Variants in KIF19 observed in about 807,000 individuals in gnomAD.
KIF19 encodes kinesin-like protein KIF19.
KIF19 carries 98 observed loss-of-function variants against 106.6 expected under a neutral mutation model. The observed-to-expected ratio is 0.92, with a 90% CI of 0.78 to 1.09. The LOEUF is 1.09. Among genes scored for constraint, KIF19 ranks in the 50% least tolerant of loss-of-function variants. The pLI is 0.00. For synonymous variants in KIF19, 516 were observed against 584.2 expected (o/e 0.88, Z 1.68); for missense variants, 1,373 against 1,414.3 (o/e 0.97, Z 0.47).
rs371387137 is a variant in KIF19 at position 74,345,742 on chromosome 17, G to A, written c.778-636G>A. 2.0e-5 allele frequency among the ~76,000 whole-genome samples: 3 copies of A among 152,270 alleles called. No homozygotes were observed. In the East Asian group the frequency reaches 5.8e-4, roughly 29 times the overall value. On this transcript the variant is annotated intron_variant, in intron 7 of 19. Transcript: ENST00000389916. ...TCTTTGAACATCTGGGGTCGGATCC[G>A]AACAGGGCAGGTTCAAGAAACTTAC... is the stretch of plus-strand genomic sequence containing the variant.
At position 74,354,393 on chromosome 17, in the gene KIF19, C is replaced by T. The variant is rs779765435; in HGVS notation, c.2540C>T (p.Ser847Phe). ...LQHAASEDNL[S>F]SSTGEAPSRA... ...CATGCTGCCAGTGAGGACAACCTGT[C>T]CAGCAGCACGGGCGAGGCCCCGTCC... The change falls in exon 18 of 20, where the codon TCC (serine) becomes TTC (phenylalanine). Residue 847 changes from serine to phenylalanine, a missense_variant. By Grantham distance (155) the Ser-to-Phe change is radical. This residue lies in a region of KIF19 where 1,020 missense variants were observed against 1,008.2 expected (regional missense o/e 1.01). Transcript: ENST00000389916. The T allele has an allele frequency of 6.2e-7, 1 of 1,610,500 alleles. No individual in the cohort carries two copies. Among genetic ancestry groups the T allele is most frequent in the East Asian group, 2.2e-5 (1 of 44,818 alleles).
At chr17:74,342,345 C>T (rs1379903748) in intron 3 of KIF19, among the ~76,000 whole-genome samples, 1 of 152,210 alleles carries the variant, frequency 6.6e-6, no homozygotes, top group African/African-American at 2.4e-5. Flanking sequence ...TCTCGCCCAT[C>T]TGTGGGATGC....
chr17:74,350,995 T>G, intron 12 of KIF19, 90 bp downstream of exon 12: 4 of 1,349,522 alleles, frequency 3.0e-6, no homozygotes, highest in Non-Finnish European at 4.2e-6. Context: ...AGGGTGGGGG[T>G]AGCCGTGAGA....
chr17:74,326,470 C>T, intron 1 of KIF19, 82 bp downstream of exon 1: 4 of 1,354,248 alleles, frequency 3.0e-6, no homozygotes, highest in Non-Finnish European at 2.1e-6. Flanking sequence ...CCTGTCCCCT[C>T]GCCGCCACCC....
At chr17:74,347,006 G>A (rs576888696) in intron 8 of KIF19, among the ~76,000 whole-genome samples, 21 of 152,276 alleles carry the variant, frequency 1.4e-4, no homozygotes, top group African/African-American at 4.3e-4. Context: ...CTTAGATCTC[G>A]TCAACAACTC....
intron 14 of KIF19, 84 bp from the exon 15 acceptor site, chr17:74,352,737 C>T: frequency 6.5e-7 from 1 of 1,531,762 alleles, no homozygotes; most frequent in Admixed American, 1.7e-5. Context: ...CAGCCCTTGT[C>T]ACCCTGTAAG....
rs1010928793 is a variant in KIF19 at position 74,342,930 on chromosome 17, C to T, written c.320-94C>T. 3.5e-6 allele frequency: 5 copies of T among 1,430,566 alleles called. No individual in the cohort carries two copies. In the African/African-American group the frequency reaches 5.7e-5, roughly 16 times the overall value. The allele number at this position is 1,430,566 out of a possible 1,614,324, so 88.6% of individuals were successfully genotyped here. Reference sequence around the variant, plus strand: ...TCCCTGGCCCTCTGAGAGGGCCCAGCCTTGAGGACAAACCCCGGTTTCCAG... The same window carrying T: ...TCCCTGGCCCTCTGAGAGGGCCCAGTCTTGAGGACAAACCCCGGTTTCCAG... On this transcript the variant is annotated intron_variant, in intron 4 of 19. Coordinates refer to ENST00000389916, the MANE Select transcript of KIF19 (RefSeq NM_153209.4).
rs774743167 is a variant in KIF19, at chr17:74,353,489, C to G, written c.2221-5C>G. On this transcript the variant is annotated splice_polypyrimidine_tract_variant and splice_region_variant and intron_variant, in intron 16 of 19. Coordinates refer to ENST00000389916, the MANE Select transcript of KIF19 (RefSeq NM_153209.4). The stretch of plus-strand genomic sequence containing the variant: ...TTTCCTCCTCCCAACCACTCCACCC[C>G]ACAGGCCCCGGCTCAGGACAGCCTG... 8.1e-6 allele frequency: 13 copies of G among 1,613,696 alleles called. No homozygotes were observed. In the East Asian group the frequency reaches 2.0e-4, roughly 25 times the overall value.
chr17:74,355,662 T>A lies in KIF19; in HGVS notation c.*350T>A. The A allele has an allele frequency of 4.9e-6, 1 of 202,836 alleles. No individual in the cohort carries two copies. The allele number at this position is 202,836 out of a possible 1,614,324, so 12.6% of individuals were successfully genotyped here. On this transcript the variant is annotated 3_prime_UTR_variant, in exon 20 of 20. Transcript: ENST00000389916. Reference sequence around the variant, plus strand: ...AGTGAGACGGGGCTCCTGGCCCACGTGTGGGGCACGGGCATCCTGGATGGT... The same window carrying A: ...AGTGAGACGGGGCTCCTGGCCCACGAGTGGGGCACGGGCATCCTGGATGGT...
intron 1 of KIF19, among the ~76,000 whole-genome samples, chr17:74,327,447 G>T (rs768758304): frequency 1.9e-4 from 29 of 152,218 alleles, no homozygotes; most frequent in Admixed American, 9.2e-4. Flanking sequence ...GTCAGGTAGT[G>T]TAGTTCCCTC....
intron 2 of KIF19, among the ~76,000 whole-genome samples, chr17:74,337,277 T>G (rs899790134): frequency 2.0e-5 from 3 of 150,648 alleles, no homozygotes; most frequent in Admixed American, 6.6e-5. Flanking sequence ...AGGGGGGCCT[T>G]TAGAGGGAGG....
Position 74,354,364 on chromosome 17 carries a change from A to G in KIF19, c.2511A>G (p.Leu837=), listed in dbSNP as rs754163292. 6.2e-7 allele frequency: 1 copy of G among 1,608,334 alleles called. No individual in the cohort carries two copies. The highest frequency in any genetic ancestry group is 8.5e-7 in the Non-Finnish European group (1 of 1,178,132). Residue 837 remains leucine (L), a synonymous_variant, in exon 18 of 20, where the codon CTA becomes CTG. Transcript: ENST00000389916. ...LACKRPPSPT[L]QHAASEDNLS... ...GCAAGCGGCCGCCCAGCCCCACACTACAGCATGCTGCCAGTGAGGACAACC... is the reference window on the plus strand; with the variant it reads ...GCAAGCGGCCGCCCAGCCCCACACTGCAGCATGCTGCCAGTGAGGACAACC...
In KIF19 at chr17:74,343,010, T is replaced by C; in HGVS notation, c.320-14T>C. 7.6e-7 allele frequency: 1 copy of C among 1,317,212 alleles called. No individual in the cohort carries two copies. The allele number at this position is 1,317,212 out of a possible 1,614,324, so 81.6% of individuals were successfully genotyped here. A position where few individuals can be genotyped will look rare whatever the true frequency, so the allele number is the denominator to read the frequency against. On this transcript the variant is annotated splice_polypyrimidine_tract_variant and intron_variant, in intron 4 of 19. Coordinates refer to ENST00000389916, the MANE Select transcript of KIF19 (RefSeq NM_153209.4). ...AGCCCCACCCCGGTCACCCTCCACC[T>C]TGTTCTGCCCCAGGCTGTGGGAAAA... is the stretch of plus-strand genomic sequence containing the variant.
At position 74,344,969 on chromosome 17, in the gene KIF19, C is replaced by T; in HGVS notation, c.777+14C>T. On this transcript the variant is annotated intron_variant, in intron 7 of 19. Transcript: ENST00000389916. Reference sequence around the variant, plus strand: ...CGCGCCTCGCAGGTGAGGCTGGGACCTGGGCTGGGCAGAGGAGGGAGGGTT... The same window carrying T: ...CGCGCCTCGCAGGTGAGGCTGGGACTTGGGCTGGGCAGAGGAGGGAGGGTT... 2 of 1,587,014 alleles carry T rather than the reference C, an allele frequency of 1.3e-6. No individual in the cohort carries two copies. Among genetic ancestry groups the T allele is most frequent in the Non-Finnish European group, 8.6e-7 (1 of 1,169,094 alleles).
In KIF19 at chr17:74,350,738, A is replaced by G. The variant is rs746114296; in HGVS notation, c.1420A>G (p.Lys474Glu). ...WKHEKSRRAL[K>E]WREEQRKECY... ...GCATGAGAAGTCCCGCCGGGCCCTC[A>G]AATGGCGGGAGGAGCAGCGAAAGGA... Residue 474 changes from lysine to glutamate, a missense_variant, in exon 12 of 20, where the codon AAA becomes GAA. Lys to Glu is a moderately conservative substitution (Grantham distance 56). This residue lies in a region of KIF19 where 1,020 missense variants were observed against 1,008.2 expected (regional missense o/e 1.01). Transcript: ENST00000389916. 5.2e-5 allele frequency: 84 copies of G among 1,613,804 alleles called. No homozygotes were observed. In the South Asian group the frequency reaches 9.1e-4, roughly 18 times the overall value.
rs28401494 is a variant in KIF19 at position 74,328,587 on chromosome 17, C to A, written c.120+82C>A. On this transcript the variant is annotated intron_variant, in intron 2 of 19. Transcript: ENST00000389916. ...CTCACCTGGTGAGGGCAGAAAGGGC[C>A]CCTGTGGCTTGCAGCACCCTCCTTC... 4 of 1,205,436 alleles carry A rather than the reference C, an allele frequency of 3.3e-6. No homozygotes were observed. In the African/African-American group the frequency reaches 4.5e-5, roughly 14 times the overall value. The allele number at this position is 1,205,436 out of a possible 1,614,324, so 74.7% of individuals were successfully genotyped here. A position where few individuals can be genotyped will look rare whatever the true frequency, so the allele number is the denominator to read the frequency against.
chr17:74,351,823 G>C, intron 12 of KIF19, 44 bp from the exon 13 acceptor site: 1 of 1,370,480 alleles, frequency 7.3e-7, no homozygotes, highest in South Asian at 1.7e-5. Context: ...AGGCGGATCG[G>C]ACCCCTCTCC....
In KIF19 at chr17:74,350,496, CGGAGGCGCCTGCT is replaced by C; in HGVS notation, c.1314_1326del (p.Arg438SerfsTer233). On this transcript the variant is annotated frameshift_variant, in exon 11 of 20. Coordinates refer to ENST00000389916, the MANE Select transcript of KIF19 (RefSeq NM_153209.4). LOFTEE classifies it high-confidence loss of function. ...CGCCTTCCAGGAGCAGATGGATGTGCGGAGGCGCCTGCTGGAGCTGGAGAACCGCGCCATGGAG... is the reference window on the plus strand; with the variant it reads ...CGCCTTCCAGGAGCAGATGGATGTGCGGAGCTGGAGAACCGCGCCATGGAG... 6.2e-7 allele frequency: 1 copy of C among 1,612,316 alleles called. No individual in the cohort carries two copies.
chr17:74,343,920 G>C (rs2054454356), intron 5 of KIF19, among the ~76,000 whole-genome samples: 1 of 152,136 alleles, frequency 6.6e-6, no homozygotes. Flanking sequence ...TGAGGGAATG[G>C]GGATTCACAC....
Sources: gnomAD v4.1 joint callset for allele counts (sites outside exome capture counted in the v4.1 genomes callset) on GRCh38, gnomAD v4.1.1 for gene constraint, gnomAD v4.1.1 regional missense constraint, MANE v1.5 for transcripts, NCBI Gene and HGNC (gene_info 2026-07-23, HGNC 2026-07-21) for gene names.